Variants in RAB28 observed in about 807,000 individuals in gnomAD.
The protein encoded by RAB28 is RAB28, member RAS oncogene family.
Under a neutral mutation model 31.7 loss-of-function variants are expected in RAB28, and 24 were observed. That is an observed-to-expected ratio of 0.76 (90% CI 0.55 to 1.06). The LOEUF (loss-of-function observed/expected upper bound fraction) is 1.06. RAB28 is among the 50% of genes least tolerant of loss of function. The pLI is 0.00. For missense variants in RAB28, 254 were observed against 258.5 expected, an observed-to-expected ratio of 0.98 and a Z score of 0.12; for synonymous variants, 100 against 90.4, an observed-to-expected ratio of 1.11 and a Z score of -0.60.
chr4:13,453,134 A>C (rs1715066235), intron 4 of RAB28, among the ~76,000 whole-genome samples: 1 of 151,982 alleles, frequency 6.6e-6, no homozygotes, highest in Admixed American at 6.6e-5. Flanking sequence ...ATCTTTTTCC[A>C]TCCTTTCACT....
intron 4 of RAB28, among the ~76,000 whole-genome samples, chr4:13,446,859 G>A (rs966322163): frequency 6.6e-6 from 1 of 152,118 alleles, no homozygotes; most frequent in Non-Finnish European, 1.5e-5. Flanking sequence ...ATATCCAACT[G>A]CTTACTAAAC....
chr4:13,371,881 A>T (rs547739016), intron 6 of RAB28: 5 of 1,524,258 alleles, frequency 3.3e-6, no homozygotes, highest in East Asian at 2.5e-5. Flanking sequence ...AGAGGAAAAG[A>T]GTTATATGGG....
At chr4:13,375,505 G>C (rs1728883972) in intron 6 of RAB28, among the ~76,000 whole-genome samples, 1 of 152,092 alleles carries the variant, frequency 6.6e-6, no homozygotes, top group South Asian at 2.1e-4. Flanking sequence ...CAAGGTCTGT[G>C]TGATCAAGCA....
intron 4 of RAB28, among the ~76,000 whole-genome samples, chr4:13,445,419 G>A (rs554191368): frequency 5.6e-4 from 85 of 152,096 alleles, no homozygotes; most frequent in African/African-American, 1.9e-3. Context: ...GAAGTGTTGC[G>A]ATCATTTGGA....
chr4:13,472,393 T>C (rs1338982373), intron 3 of RAB28, among the ~76,000 whole-genome samples: 2 of 151,004 alleles, frequency 1.3e-5, no homozygotes, highest in Non-Finnish European at 3.0e-5. Flanking sequence ...GTAATAAATT[T>C]TAAATAATTT....
chr4:13,448,770 T>C (rs1714824103), intron 4 of RAB28, among the ~76,000 whole-genome samples: 1 of 151,982 alleles, frequency 6.6e-6, no homozygotes, highest in Admixed American at 6.6e-5. Context: ...GTGTGAAGTA[T>C]CATGTGAGGG....
chr4:13,450,220 T>C (rs1386635007), intron 4 of RAB28, among the ~76,000 whole-genome samples: 1 of 151,878 alleles, frequency 6.6e-6, no homozygotes, highest in Non-Finnish European at 1.5e-5. Flanking sequence ...CTTAGATTTC[T>C]AACATATATG....
At chr4:13,382,856 G>A (rs1020811235) in intron 4 of RAB28, among the ~76,000 whole-genome samples, 9 of 151,624 alleles carry the variant, frequency 5.9e-5, no homozygotes, top group African/African-American at 1.9e-4. Flanking sequence ...CTGCCACCAC[G>A]CCCGGCTAAT....
At chr4:13,483,143 G>C (rs1344866552) in intron 1 of RAB28, among the ~76,000 whole-genome samples, 1 of 152,134 alleles carries the variant, frequency 6.6e-6, no homozygotes. Context: ...CTGGTGGAGG[G>C]ATCATAGACC....
chr4:13,370,209 TTTAA>T (rs1728669341), intron 6 of RAB28: 1 of 975,616 alleles, frequency 1.0e-6, no homozygotes, highest in African/African-American at 1.8e-5. Context: ...TGTAATTCTA[TTTAA>T]TTACTGAAAT....
intron 4 of RAB28, among the ~76,000 whole-genome samples, chr4:13,402,977 T>C (rs192854944): frequency 5.9e-5 from 9 of 152,066 alleles, no homozygotes; most frequent in Admixed American, 5.9e-4. Context: ...TATATTTTTG[T>C]AGGAAAGGGG....
At chr4:13,387,280 CA>C (rs1729413409) in intron 4 of RAB28, among the ~76,000 whole-genome samples, 1 of 151,956 alleles carries the variant, frequency 6.6e-6, no homozygotes, top group African/African-American at 2.4e-5. Flanking sequence ...ACATGATTAG[CA>C]AGACAATGGA....
intron 4 of RAB28, among the ~76,000 whole-genome samples, chr4:13,414,005 G>C (rs1712605244): frequency 2.0e-5 from 3 of 152,100 alleles, no homozygotes; most frequent in African/African-American, 4.8e-5. Flanking sequence ...ATGACACATG[G>C]GTATATGGTC....
chr4:13,369,313 T>C (rs1488819718), intron 6 of RAB28, among the ~76,000 whole-genome samples: 1 of 152,158 alleles, frequency 6.6e-6, no homozygotes, highest in African/African-American at 2.4e-5. Context: ...TTCATGTTTT[T>C]AAAATAATTT....
At chr4:13,417,972 G>A (rs776487091) in intron 4 of RAB28, among the ~76,000 whole-genome samples, 12 of 152,150 alleles carry the variant, frequency 7.9e-5, no homozygotes, top group Admixed American at 3.9e-4. Context: ...GAGGATGTTC[G>A]AGCCCCTCGC....
chr4:13,383,774 A>G (rs561560224), intron 4 of RAB28, among the ~76,000 whole-genome samples: 1 of 152,316 alleles, frequency 6.6e-6, no homozygotes, highest in African/African-American at 2.4e-5. Context: ...TGCACATGCC[A>G]TCTTGCCTGA....
intron 4 of RAB28, among the ~76,000 whole-genome samples, chr4:13,411,866 C>T (rs1712458477): frequency 6.6e-6 from 1 of 151,746 alleles, no homozygotes. Flanking sequence ...ATACCATGAT[C>T]TAATTAATGA....
chr4:13,378,731 A>G (rs993106951), intron 5 of RAB28, among the ~76,000 whole-genome samples: 1 of 152,216 alleles, frequency 6.6e-6, no homozygotes, highest in African/African-American at 2.4e-5. Flanking sequence ...ATCCCATAGT[A>G]ACCACAGAGA....
chr4:13,378,902 G>C (rs1330988400), intron 5 of RAB28, among the ~76,000 whole-genome samples: 4 of 152,042 alleles, frequency 2.6e-5, no homozygotes, highest in African/African-American at 7.2e-5. Flanking sequence ...CATTTGAAGA[G>C]AGAAGAGAAG....
Sources: gnomAD v4.1 joint callset for allele counts (sites outside exome capture counted in the v4.1 genomes callset) on GRCh38, gnomAD v4.1.1 for gene constraint, MANE v1.5 for transcripts, NCBI Gene and HGNC (gene_info 2026-07-23, HGNC 2026-07-21) for gene names.